Variants in CCBE1 observed in about 807,000 individuals in gnomAD.
The protein encoded by CCBE1 is collagen and calcium-binding EGF domain-containing protein 1.
In CCBE1, 37 loss-of-function variants were observed where a neutral mutation model predicts 50.0. That is an observed-to-expected ratio of 0.74 (90% confidence interval 0.57 to 0.97). CCBE1 has a LOEUF of 0.97. CCBE1 is among the 50% of genes least tolerant of loss of function. The pLI, the probability that CCBE1 is intolerant of heterozygous loss-of-function variation, is 0.00. For synonymous variants in CCBE1, 234 were observed against 203.7 expected (o/e 1.15, Z -1.27); for missense variants, 538 against 523.8 (o/e 1.03, Z -0.26).
intron 2 of CCBE1, among the ~76,000 whole-genome samples, chr18:59,531,185 T>C (rs11663631): frequency 6.6e-6 from 1 of 152,136 alleles, no homozygotes; most frequent in Non-Finnish European, 1.5e-5. Flanking sequence ...AATCAGCTTG[T>C]TGGCCATGCG....
intron 2 of CCBE1, among the ~76,000 whole-genome samples, chr18:59,584,051 G>A (rs1018569389): frequency 6.6e-6 from 1 of 151,998 alleles, no homozygotes; most frequent in Non-Finnish European, 1.5e-5. Flanking sequence ...ACATGCACAC[G>A]TATGTTTATT....
intron 2 of CCBE1, among the ~76,000 whole-genome samples, chr18:59,501,300 T>A (rs1490222799): frequency 2.0e-5 from 3 of 152,198 alleles, no homozygotes; most frequent in Non-Finnish European, 4.4e-5. Context: ...CTCCTTTTAC[T>A]TACCCCCATG....
chr18:59,592,835 A>C (rs2053292301), intron 2 of CCBE1, among the ~76,000 whole-genome samples: 1 of 152,210 alleles, frequency 6.6e-6, no homozygotes. Flanking sequence ...ACAGTCAGCA[A>C]AATTCAAATT....
chr18:59,619,599 G>C (rs1349209030), intron 2 of CCBE1, among the ~76,000 whole-genome samples: 1 of 152,092 alleles, frequency 6.6e-6, no homozygotes, highest in Admixed American at 6.5e-5. Context: ...GATTTATCCG[G>C]CTCCATTTAA....
chr18:59,491,831 C>CAAACAAACAAAT (rs1229746457), intron 2 of CCBE1, among the ~76,000 whole-genome samples: 1 of 138,580 alleles, frequency 7.2e-6, no homozygotes, highest in Non-Finnish European at 1.6e-5. Flanking sequence ...AACAAACAAA[C>CAAACAAACAAAT]AAACAAAAAA....
chr18:59,497,080 T>C (rs567736884), intron 2 of CCBE1, among the ~76,000 whole-genome samples: 1 of 152,356 alleles, frequency 6.6e-6, no homozygotes, highest in Non-Finnish European at 1.5e-5. Context: ...AAGTACCTAG[T>C]ATAGCACCTA....
At chr18:59,601,543 C>G (rs899169987) in intron 2 of CCBE1, among the ~76,000 whole-genome samples, 1 of 152,128 alleles carries the variant, frequency 6.6e-6, no homozygotes, top group Non-Finnish European at 1.5e-5. Context: ...ATTACCCACT[C>G]TCATGTATGT....
At chr18:59,687,213 G>A (rs2054666921) in intron 2 of CCBE1, among the ~76,000 whole-genome samples, 1 of 152,196 alleles carries the variant, frequency 6.6e-6, no homozygotes, top group East Asian at 1.9e-4. Flanking sequence ...GCTTACAGAT[G>A]CCCTCCAATC....
At chr18:59,485,296 C>T (rs987591517) in intron 2 of CCBE1, among the ~76,000 whole-genome samples, 2 of 152,118 alleles carry the variant, frequency 1.3e-5, no homozygotes, top group Non-Finnish European at 2.9e-5. Context: ...GGCAGAAATA[C>T]AGCCCTCCAG....
intron 2 of CCBE1, among the ~76,000 whole-genome samples, chr18:59,515,011 C>CT (rs1473090338): frequency 1.3e-5 from 2 of 152,088 alleles, no homozygotes; most frequent in Non-Finnish European, 2.9e-5. Context: ...GTTTATTTTA[C>CT]TTTTTAAATT....
intron 2 of CCBE1, among the ~76,000 whole-genome samples, chr18:59,549,382 G>T (rs1395113708): frequency 6.6e-6 from 1 of 152,134 alleles, no homozygotes; most frequent in African/African-American, 2.4e-5. Context: ...CAGTTTGAAG[G>T]AGCAAATGAT....
intron 2 of CCBE1, among the ~76,000 whole-genome samples, chr18:59,617,320 G>A (rs985817651): frequency 3.9e-5 from 6 of 152,188 alleles, no homozygotes; most frequent in Admixed American, 1.3e-4. Context: ...ATGCAAATTC[G>A]AAATCCTTAC....
chr18:59,595,384 C>CTTTG (rs936154023), intron 2 of CCBE1, among the ~76,000 whole-genome samples: 5 of 152,174 alleles, frequency 3.3e-5, no homozygotes, highest in African/African-American at 1.2e-4. Flanking sequence ...ACCTTTCTTA[C>CTTTG]TTTGCCTCAG....
In CCBE1 at chr18:59,561,547, C is replaced by G. The variant is rs183558091; in HGVS notation, c.213-81309G>C. 1.1e-4 allele frequency among the ~76,000 whole-genome samples: 17 copies of G among 152,326 alleles called. No homozygotes were observed. In the East Asian group the frequency reaches 3.3e-3, roughly 29 times the overall value. ...TAGCCATAACATGGGAAGGCCATCC[C>G]TTAGCCCTATGCCACTATTGTCTGT... On this transcript the variant is annotated intron_variant, in intron 2 of 10. Coordinates refer to ENST00000439986, the MANE Select transcript of CCBE1 (RefSeq NM_133459.4).
chr18:59,633,122 C>T (rs116717257), intron 2 of CCBE1, among the ~76,000 whole-genome samples: 119 of 152,246 alleles, frequency 7.8e-4, no homozygotes, highest in African/African-American at 2.6e-3. Context: ...TTTGGGAGCT[C>T]GCAGGGAGAG....
chr18:59,508,826 C>T (rs1914004928), intron 2 of CCBE1, among the ~76,000 whole-genome samples: 1 of 146,884 alleles, frequency 6.8e-6, no homozygotes, highest in Non-Finnish European at 1.5e-5. Context: ...AAGCAATCCT[C>T]TCACCTCAGC....
chr18:59,568,986 G>C (rs759379260), intron 2 of CCBE1, among the ~76,000 whole-genome samples: 1 of 152,166 alleles, frequency 6.6e-6, no homozygotes, highest in Non-Finnish European at 1.5e-5. Flanking sequence ...CTACCTTCAC[G>C]GATGTCTCTG....
At chr18:59,460,670 G>A (rs542603616) in intron 5 of CCBE1, among the ~76,000 whole-genome samples, 1 of 152,328 alleles carries the variant, frequency 6.6e-6, no homozygotes, top group East Asian at 1.9e-4. Context: ...TGTGGCTCAC[G>A]CCTGTAATCC....
chr18:59,687,303 C>T (rs1473755820), intron 2 of CCBE1, among the ~76,000 whole-genome samples: 1 of 152,162 alleles, frequency 6.6e-6, no homozygotes, highest in Non-Finnish European at 1.5e-5. Context: ...TAAGTTTAGC[C>T]TACTTAAGTT....
Sources: gnomAD v4.1 joint callset for allele counts (sites outside exome capture counted in the v4.1 genomes callset) on GRCh38, gnomAD v4.1.1 for gene constraint, MANE v1.5 for transcripts, NCBI Gene and HGNC (gene_info 2026-07-23, HGNC 2026-07-21) for gene names.